The following CLEC16A variants were observed in gnomAD, a reference collection of about 807,000 sequenced individuals.
CLEC16A encodes the protein protein CLEC16A.
CLEC16A carries 51 observed loss-of-function variants against 109.5 expected under a neutral mutation model. The ratio of observed to expected loss-of-function variants is 0.47; its 90% CI spans 0.37 to 0.59. The LOEUF is 0.59. Ranked by LOEUF, CLEC16A falls within the 20% of genes least tolerant of loss-of-function variation. The pLI is 0.00. For synonymous variants in CLEC16A, 673 were observed against 564.2 expected, an observed-to-expected ratio of 1.19 and a Z score of -2.73; for missense variants, 1,339 against 1,394.0, an observed-to-expected ratio of 0.96 and a Z score of 0.63.
At chr16:11,110,312 G>A (rs535789768) in intron 19 of CLEC16A, among the ~76,000 whole-genome samples, 40 of 152,302 alleles carry the variant, frequency 2.6e-4, no homozygotes, top group Admixed American at 9.8e-4. Flanking sequence ...GTCTGGACAG[G>A]GATGCTTCAA....
chr16:11,119,008 T>C (rs1259332721), intron 19 of CLEC16A, among the ~76,000 whole-genome samples: 1 of 152,198 alleles, frequency 6.6e-6, no homozygotes, highest in Non-Finnish European at 1.5e-5. Flanking sequence ...GTTTTTCTTT[T>C]TGTTATTTTT....
At chr16:11,162,371 C>T (rs1015394739) in intron 22 of CLEC16A, among the ~76,000 whole-genome samples, 2 of 152,212 alleles carry the variant, frequency 1.3e-5, no homozygotes, top group East Asian at 1.9e-4. Flanking sequence ...ATGTTAGGAT[C>T]GGGAGCTTGA....
At chr16:11,092,226 C>A (rs180904747) in intron 19 of CLEC16A, among the ~76,000 whole-genome samples, 2 of 152,138 alleles carry the variant, frequency 1.3e-5, no homozygotes, top group Non-Finnish European at 2.9e-5. Context: ...CACCTGTAGT[C>A]CAAGCTGCTT....
At chr16:10,955,985 G>A (rs535833919) in intron 1 of CLEC16A, among the ~76,000 whole-genome samples, 27 of 152,340 alleles carry the variant, frequency 1.8e-4, no homozygotes, top group African/African-American at 4.6e-4. Flanking sequence ...AAACTCTGCC[G>A]TTTGAAACTC....
At chr16:10,973,559 A>G (rs932263712) in intron 7 of CLEC16A, among the ~76,000 whole-genome samples, 3 of 152,094 alleles carry the variant, frequency 2.0e-5, no homozygotes, top group African/African-American at 7.2e-5. Flanking sequence ...GCAACTGCTA[A>G]TGAGTATAGG....
intron 12 of CLEC16A, among the ~76,000 whole-genome samples, chr16:11,021,751 T>C (rs558117215): frequency 6.6e-6 from 1 of 152,190 alleles, no homozygotes; most frequent in Non-Finnish European, 1.5e-5. Context: ...GCACTATGAT[T>C]GCACCACTGC....
rs764430477 is a variant in CLEC16A at position 11,047,273 on chromosome 16, T to C, written c.1816-19T>C. On this transcript the variant is annotated intron_variant, in intron 16 of 23. Transcript: ENST00000409790. ...AAAATATGAATAATCTCCTCTTCCCTCCCTTCCTTTCTTTTTAGGGAGAAG... is the reference window on the plus strand; with the variant it reads ...AAAATATGAATAATCTCCTCTTCCCCCCCTTCCTTTCTTTTTAGGGAGAAG... The C allele has an allele frequency of 1.2e-6, 2 of 1,602,304 alleles. No individual in the cohort carries two copies. The highest frequency in any genetic ancestry group is 8.5e-7 in the Non-Finnish European group (1 of 1,172,260).
intron 12 of CLEC16A, among the ~76,000 whole-genome samples, chr16:11,020,802 G>A (rs188099466): frequency 6.6e-6 from 1 of 152,308 alleles, no homozygotes; most frequent in East Asian, 1.9e-4. Flanking sequence ...TTGACTTTTT[G>A]CCTGATTGTT....
In CLEC16A at chr16:11,162,730, A is replaced by G. The variant is rs1000229788; in HGVS notation, c.2642-3658A>G. Among the ~76,000 whole-genome samples the G allele has an allele frequency of 4.6e-5, 7 of 152,302 alleles. No individual in the cohort carries two copies. In the East Asian group the frequency reaches 9.6e-4, roughly 21 times the overall value. Reference sequence around the variant, plus strand: ...GTGTTGGTTGGCAGCAGGGAATTTCATCATCTAGAGGGATTAGAATTCACT... The same window carrying G: ...GTGTTGGTTGGCAGCAGGGAATTTCGTCATCTAGAGGGATTAGAATTCACT... On this transcript the variant is annotated intron_variant, in intron 22 of 23. Coordinates refer to ENST00000409790, the MANE Select transcript of CLEC16A (RefSeq NM_015226.3).
intron 13 of CLEC16A, chr16:11,027,518 C>T: frequency 1.9e-6 from 3 of 1,576,192 alleles, no homozygotes; most frequent in Non-Finnish European, 2.6e-6. Flanking sequence ...GTAAGACCAT[C>T]CCTCTGACAG....
intron 15 of CLEC16A, among the ~76,000 whole-genome samples, chr16:11,042,807 A>G (rs1329743922): frequency 6.6e-6 from 1 of 151,728 alleles, no homozygotes; most frequent in African/African-American, 2.4e-5. Flanking sequence ...GTAGAAAGGT[A>G]AAAGTAACAA....
chr16:10,977,435 C>G, intron 8 of CLEC16A, 36 bp downstream of exon 8: 1 of 1,587,814 alleles, frequency 6.3e-7, no homozygotes, highest in Non-Finnish European at 8.6e-7. Context: ...TGGCTGAAGG[C>G]CATCAGAAGT....
rs189060795 is a variant in CLEC16A at position 11,073,451 on chromosome 16, C to G, written c.2116+12429C>G. On this transcript the variant is annotated intron_variant, in intron 19 of 23. Coordinates refer to ENST00000409790, the MANE Select transcript of CLEC16A (RefSeq NM_015226.3). ...TCCCCTGCCCAGTATCTCCCCCATT[C>G]TACCCCAGCCCATGGCCTTGCGCCA... is the stretch of plus-strand genomic sequence containing the variant. Among the ~76,000 whole-genome samples, 4 of 152,306 alleles carry G rather than the reference C, an allele frequency of 2.6e-5. No individual in the cohort carries two copies. In the East Asian group the frequency reaches 7.7e-4, roughly 29 times the overall value.
chr16:10,967,682 T>C (rs1343208828), intron 3 of CLEC16A, among the ~76,000 whole-genome samples: 3 of 152,272 alleles, frequency 2.0e-5, no homozygotes, highest in African/African-American at 4.8e-5. Flanking sequence ...GAGTGCTTTC[T>C]GTGCATTTTC....
chr16:10,954,338 TG>T lies in CLEC16A; in HGVS notation c.81-3439del, dbSNP rs945056274. Among the ~76,000 whole-genome samples the T allele has an allele frequency of 1.3e-5, 2 of 152,146 alleles. No individual in the cohort carries two copies. Among genetic ancestry groups the T allele is most frequent in the Non-Finnish European group, 1.5e-5 (1 of 68,022 alleles). Reference sequence around the variant, plus strand: ...AAGCCCTCGCAGAGAACCAGGCACGTGGGGGCTCCTAGAATCTTTTTTTCAG... The same window carrying T: ...AAGCCCTCGCAGAGAACCAGGCACGTGGGGCTCCTAGAATCTTTTTTTCAG... On this transcript the variant is annotated intron_variant, in intron 1 of 23. Transcript: ENST00000409790. This position sits in a 1 kb window ranked among gnomAD's most constrained non-coding sequence, Gnocchi z 4.2.
chr16:11,036,866 C>T (rs1413725596), intron 13 of CLEC16A, among the ~76,000 whole-genome samples: 5 of 152,156 alleles, frequency 3.3e-5, no homozygotes, highest in Non-Finnish European at 7.3e-5. Flanking sequence ...CCTTTTATAA[C>T]ACGAATGATA....
At chr16:11,141,947 T>A (rs1216065578) in intron 22 of CLEC16A, among the ~76,000 whole-genome samples, 1 of 152,216 alleles carries the variant, frequency 6.6e-6, no homozygotes, top group Admixed American at 6.5e-5. Flanking sequence ...GAAGCAGTAG[T>A]GTGCTTTGCA....
rs185843390 is a variant in CLEC16A at position 11,044,829 on chromosome 16, G to C, written c.1815+757G>C. On this transcript the variant is annotated intron_variant, in intron 16 of 23. Coordinates refer to ENST00000409790, the MANE Select transcript of CLEC16A (RefSeq NM_015226.3). The stretch of plus-strand genomic sequence containing the variant: ...TAATTGCAGCTACTCGGGAGGCTGA[G>C]GCAAGAGAATCACTTGAACTCAGGA... Among the ~76,000 whole-genome samples the C allele has an allele frequency of 2.5e-4, 38 of 151,844 alleles. No individual in the cohort carries two copies. The East Asian group carries it at 6.8e-3, about 27-fold the overall frequency.
At chr16:11,016,889 C>T (rs948465480) in intron 11 of CLEC16A, among the ~76,000 whole-genome samples, 5 of 151,876 alleles carry the variant, frequency 3.3e-5, no homozygotes, top group African/African-American at 9.7e-5. Context: ...TGATGGGGCC[C>T]GCCCTGTGGG....
Sources: allele counts gnomAD v4.1 joint callset (sites outside exome capture counted in the v4.1 genomes callset), GRCh38; gene constraint gnomAD v4.1.1; non-coding constraint Gnocchi (gnomAD v3.1); transcripts MANE v1.5; gene names NCBI Gene and HGNC (gene_info 2026-07-23, HGNC 2026-07-21).